Variants in MAST2 observed in about 807,000 individuals in gnomAD.
MAST2 encodes the protein microtubule-associated serine/threonine-protein kinase 2.
Under a neutral mutation model 147.4 loss-of-function variants are expected in MAST2, and 70 were observed. The observed-to-expected ratio is 0.47, with a 90% confidence interval of 0.39 to 0.58. MAST2 has a LOEUF of 0.58. Among genes scored for constraint, MAST2 ranks in the 20% least tolerant of loss-of-function variants. The pLI is 0.00. For missense variants in MAST2, 2,080 were observed against 2,302.3 expected (o/e 0.90, Z 1.98); for synonymous variants, 869 against 896.8 (o/e 0.97, Z 0.55).
In MAST2 at chr1:45,964,215, A is replaced by T. The variant is rs191197917; in HGVS notation, c.592+4738A>T. Among the ~76,000 whole-genome samples the T allele has an allele frequency of 5.8e-3, 879 of 152,240 alleles. 4 individuals carry two copies. Among genetic ancestry groups the T allele is most frequent in the Non-Finnish European group, 8.6e-3 (587 of 68,018 alleles). ...GTCTCTGCCAGTCTTTTGTATCAGG[A>T]TGATGCCGGCCTCATAAAATGAGTT... is the stretch of plus-strand genomic sequence containing the variant. On this transcript the variant is annotated intron_variant, in intron 5 of 28. Transcript: ENST00000361297.
chr1:46,036,119 A>G lies in MAST2; in HGVS notation c.*53A>G. 1 of 1,502,754 alleles carries G rather than the reference A, an allele frequency of 6.7e-7. No individual in the cohort carries two copies. The highest frequency in any genetic ancestry group is 1.3e-5 in the South Asian group (1 of 76,002). 93.1% of individuals were successfully genotyped at this position (1,502,754 alleles called of 1,614,324 possible). On this transcript the variant is annotated 3_prime_UTR_variant, in exon 29 of 29. Coordinates refer to ENST00000361297, the MANE Select transcript of MAST2 (RefSeq NM_015112.3). ...ACCTGTGTAATATATGCTCCTGGAA[A>G]CCATCTTTATGTCTTTTGCTTGCTT...
At chr1:45,879,957 A>G (rs1646772852) in intron 3 of MAST2, among the ~76,000 whole-genome samples, 1 of 152,212 alleles carries the variant, frequency 6.6e-6, no homozygotes, top group African/African-American at 2.4e-5. Context: ...ATTAATGTGA[A>G]CATAACATGT....
Position 46,031,669 on chromosome 1 carries a change from G to A in MAST2, c.3187+84G>A, listed in dbSNP as rs909021318. 59 of 906,054 alleles carry A rather than the reference G, an allele frequency of 6.5e-5. 2 individuals carry two copies. The highest frequency in any genetic ancestry group is 2.9e-5 in the Admixed American group (1 of 35,046). 56.1% of individuals were successfully genotyped at this position (906,054 alleles called of 1,614,324 possible). A position where few individuals can be genotyped will look rare whatever the true frequency, so the allele number is the denominator to read the frequency against. ...CTTGGGAGGGTTCTGCACGTGGCAG[G>A]TGTGTGTGTGTGTGTTAAGCACAGA... is the stretch of plus-strand genomic sequence containing the variant. On this transcript the variant is annotated intron_variant, in intron 24 of 28. Coordinates refer to ENST00000361297, the MANE Select transcript of MAST2 (RefSeq NM_015112.3). This position sits in a 1 kb window ranked among gnomAD's most constrained non-coding sequence, Gnocchi z 4.1.
chr1:46,032,764 C>T, intron 26 of MAST2, 46 bp downstream of exon 26: 2 of 1,587,756 alleles, frequency 1.3e-6, no homozygotes, highest in Non-Finnish European at 8.6e-7. Flanking sequence ...ATGACCTCAG[C>T]CTGTGAGTCT....
At chr1:45,804,713 C>A (rs1472086477) in intron 1 of MAST2, among the ~76,000 whole-genome samples, 1 of 152,216 alleles carries the variant, frequency 6.6e-6, no homozygotes, top group Non-Finnish European at 1.5e-5. Flanking sequence ...GAAAACACAG[C>A]AGCATACAAA....
chr1:46,004,329 A>G (rs1202140802), intron 7 of MAST2, among the ~76,000 whole-genome samples: 2 of 143,562 alleles, frequency 1.4e-5, no homozygotes, highest in African/African-American at 2.6e-5. Flanking sequence ...ACACCACTGC[A>G]CTCCAGCCTG....
At chr1:45,837,278 C>G (rs1260369464) in intron 3 of MAST2, among the ~76,000 whole-genome samples, 3 of 152,242 alleles carry the variant, frequency 2.0e-5, no homozygotes, top group African/African-American at 7.2e-5. Flanking sequence ...TGTCTGTTCT[C>G]TCTCCCCAGG....
rs780845763 is a variant in MAST2 at position 46,032,671 on chromosome 1, C to T, written c.3490C>T (p.Pro1164Ser). Residue 1164 changes from proline to serine, a missense_variant, in exon 26 of 29, where the codon CCT (proline) becomes TCT (serine). Physicochemically the swap from Pro to Ser is moderately conservative, Grantham distance 74. Transcript: ENST00000361297. ...CCTCATCACCCATGTCAATGGGGAACCTGTGCATGGCCTGGTGCACACGGA... is the reference window on the plus strand; with the variant it reads ...CCTCATCACCCATGTCAATGGGGAATCTGTGCATGGCCTGGTGCACACGGA... ...GDLITHVNGE[P>S]VHGLVHTEVV... 62 of 1,614,060 alleles carry T rather than the reference C, an allele frequency of 3.8e-5. No individual in the cohort carries two copies. The highest frequency in any genetic ancestry group is 5.3e-5 in the Non-Finnish European group (62 of 1,180,038).
chr1:45,958,697 A>G (rs181891581), intron 4 of MAST2, among the ~76,000 whole-genome samples: 1 of 152,286 alleles, frequency 6.6e-6, no homozygotes, highest in East Asian at 1.9e-4. Flanking sequence ...TAGGTGTTCA[A>G]TAAATATTTG....
intron 5 of MAST2, among the ~76,000 whole-genome samples, chr1:45,995,565 CCT>C (rs1321441394): frequency 6.6e-6 from 1 of 152,164 alleles, no homozygotes; most frequent in Non-Finnish European, 1.5e-5. Flanking sequence ...CACGCTGCCT[CCT>C]GTCTCTAAAC....
At position 45,835,507 on chromosome 1, in the gene MAST2, G is replaced by C. The variant is rs183455718; in HGVS notation, c.468+5926G>C. Among the ~76,000 whole-genome samples the C allele has an allele frequency of 2.0e-5, 3 of 152,176 alleles. No homozygotes were observed. The East Asian group carries it at 5.8e-4, about 29-fold the overall frequency. On this transcript the variant is annotated intron_variant, in intron 3 of 28. Transcript: ENST00000361297. ...GGGAATATTTCTAACCAGAACAAAA[G>C]ATGTGATATTCTGTTGAACATTTTA...
chr1:45,879,572 CA>C (rs56115997), intron 3 of MAST2, among the ~76,000 whole-genome samples: 30,016 of 99,722 alleles, frequency 0.3, 2,469 homozygotes, highest in Middle Eastern at 0.41. Flanking sequence ...GACTCCATCT[CA>C]AAAAAAAAAA....
intron 26 of MAST2, 87 bp downstream of exon 26, chr1:46,032,805 G>T: frequency 3.4e-6 from 5 of 1,489,888 alleles, no homozygotes; most frequent in Non-Finnish European, 3.6e-6. Flanking sequence ...GGGTGAGTTG[G>T]GTGCACACAC....
At position 46,023,337 on chromosome 1, in the gene MAST2, G is replaced by A. The variant is rs1646268163; in HGVS notation, c.1571+19G>A. The stretch of plus-strand genomic sequence containing the variant: ...CCTATGGGTAAAGGCAGGGGTCAGG[G>A]TGTGGCCAGGACTGAAGCCGGGTCA... On this transcript the variant is annotated intron_variant, in intron 14 of 28. Coordinates refer to ENST00000361297, the MANE Select transcript of MAST2 (RefSeq NM_015112.3). This position sits in a 1 kb window ranked among gnomAD's most constrained non-coding sequence, Gnocchi z 4.9. 1 of 1,609,826 alleles carries A rather than the reference G, an allele frequency of 6.2e-7. No individual in the cohort carries two copies. Among genetic ancestry groups the A allele is most frequent in the Non-Finnish European group, 8.5e-7 (1 of 1,176,464 alleles).
chr1:45,938,735 C>G (rs988175256), intron 4 of MAST2, among the ~76,000 whole-genome samples: 1 of 152,218 alleles, frequency 6.6e-6, no homozygotes, highest in African/African-American at 2.4e-5. Flanking sequence ...ATTACTCTCT[C>G]TTCTTGATTT....
chr1:45,972,909 G>A (rs1643975582), intron 5 of MAST2, among the ~76,000 whole-genome samples: 1 of 152,184 alleles, frequency 6.6e-6, no homozygotes, highest in African/African-American at 2.4e-5. Flanking sequence ...GACTACTCAA[G>A]TGTTAACCCT....
intron 3 of MAST2, among the ~76,000 whole-genome samples, chr1:45,859,229 G>A (rs1011252479): frequency 6.6e-6 from 1 of 152,082 alleles, no homozygotes; most frequent in African/African-American, 2.4e-5. Flanking sequence ...TGAGTAGCTG[G>A]GACTACAGGC....
At position 45,997,854 on chromosome 1, in the gene MAST2, G is replaced by A; in HGVS notation, c.668+55G>A. ...CAGCACATGTGGCACTTGCATGAGG[G>A]TTAATTGAATGTCAGATTCCTCCTT... On this transcript the variant is annotated intron_variant, in intron 6 of 28. Transcript: ENST00000361297. The A allele has an allele frequency of 3.5e-6, 5 of 1,408,512 alleles. No individual in the cohort carries two copies. In the South Asian group the frequency reaches 5.8e-5, roughly 16 times the overall value. The allele number at this position is 1,408,512 out of a possible 1,614,324, so 87.3% of individuals were successfully genotyped here.
intron 4 of MAST2, among the ~76,000 whole-genome samples, chr1:45,957,902 T>C (rs1358801030): frequency 2.0e-5 from 3 of 151,986 alleles, no homozygotes; most frequent in African/African-American, 7.3e-5. Flanking sequence ...TTGTAAAGGG[T>C]TGGGATTTCG....
Sources: allele counts gnomAD v4.1 joint callset (sites outside exome capture counted in the v4.1 genomes callset), GRCh38; gene constraint gnomAD v4.1.1; non-coding constraint Gnocchi (gnomAD v3.1); transcripts MANE v1.5; gene names NCBI Gene and HGNC (gene_info 2026-07-23, HGNC 2026-07-21).